Variants in NLGN1 observed in about 807,000 individuals in gnomAD.
NLGN1 encodes the protein neuroligin-1.
In NLGN1, 12 loss-of-function variants were observed where a neutral mutation model predicts 65.5. The observed-to-expected ratio is 0.18, with a 90% CI of 0.12 to 0.30. The LOEUF (loss-of-function observed/expected upper bound fraction) is 0.30. Among genes scored for constraint, NLGN1 ranks in the 10% least tolerant of loss-of-function variants. The probability of loss-of-function intolerance (pLI) is 1.00; values close to 1 mark genes in which losing one functional copy is unlikely to be tolerated. For synonymous variants in NLGN1, 350 were observed against 359.5 expected, an observed-to-expected ratio of 0.97 and a Z score of 0.30; for missense variants, 750 against 1,007.1, an observed-to-expected ratio of 0.74 and a Z score of 3.46.
intron 4 of NLGN1, among the ~76,000 whole-genome samples, chr3:173,899,082 G>A (rs1736858419): frequency 6.6e-6 from 1 of 152,060 alleles, no homozygotes; most frequent in Non-Finnish European, 1.5e-5. Flanking sequence ...GGATCTTTTA[G>A]AAAAATAATA....
intron 3 of NLGN1, among the ~76,000 whole-genome samples, chr3:173,723,583 C>T (rs1401570209): frequency 6.6e-6 from 1 of 152,112 alleles, no homozygotes; most frequent in East Asian, 1.9e-4. Context: ...CAAGTTTGTT[C>T]ATATACAAGC....
At chr3:174,073,799 A>C (rs1560978958) in intron 4 of NLGN1, among the ~76,000 whole-genome samples, 1 of 152,186 alleles carries the variant, frequency 6.6e-6, no homozygotes, top group African/African-American at 2.4e-5. Context: ...CATATCCATC[A>C]CTTATTTTCT....
intron 4 of NLGN1, among the ~76,000 whole-genome samples, chr3:173,850,972 T>A (rs1726818708): frequency 6.6e-6 from 1 of 152,060 alleles, no homozygotes; most frequent in Non-Finnish European, 1.5e-5. Context: ...CTCAAACCCC[T>A]GAGCTCAAGC....
At chr3:173,777,675 A>G (rs187348355) in intron 3 of NLGN1, among the ~76,000 whole-genome samples, 8 of 149,858 alleles carry the variant, frequency 5.3e-5, no homozygotes, top group South Asian at 2.1e-4. Context: ...CTATCTATCT[A>G]TCCATCCCAT....
chr3:174,241,023 TTAAG>T (rs1469229292), intron 4 of NLGN1, among the ~76,000 whole-genome samples: 26 of 152,304 alleles, frequency 1.7e-4, no homozygotes, highest in African/African-American at 6.0e-4. Flanking sequence ...TTCATAGTCA[TTAAG>T]TAAGTAGTCA....
At chr3:173,675,124 A>G (rs984553083) in intron 3 of NLGN1, among the ~76,000 whole-genome samples, 4 of 152,082 alleles carry the variant, frequency 2.6e-5, no homozygotes, top group African/African-American at 9.7e-5. Flanking sequence ...AAGAGCATGA[A>G]ATTTTGGACA....
chr3:173,634,789 C>T (rs1756314102), intron 3 of NLGN1, among the ~76,000 whole-genome samples: 1 of 151,960 alleles, frequency 6.6e-6, no homozygotes, highest in Non-Finnish European at 1.5e-5. Flanking sequence ...TAGTTTCTTC[C>T]CTGGGTGATC....
chr3:173,957,418 A>G (rs1010951543), intron 4 of NLGN1, among the ~76,000 whole-genome samples: 1 of 152,098 alleles, frequency 6.6e-6, no homozygotes, highest in Non-Finnish European at 1.5e-5. Flanking sequence ...TGCTCTGCCT[A>G]TTTTTCTCTC....
At chr3:174,162,320 C>T (rs930734153) in intron 4 of NLGN1, among the ~76,000 whole-genome samples, 4 of 151,822 alleles carry the variant, frequency 2.6e-5, no homozygotes, top group African/African-American at 9.7e-5. Context: ...ATGGTAACGT[C>T]ATTCTGTATT....
intron 4 of NLGN1, among the ~76,000 whole-genome samples, chr3:174,081,234 A>G (rs1742132834): frequency 6.6e-6 from 1 of 152,140 alleles, no homozygotes; most frequent in Admixed American, 6.5e-5. Flanking sequence ...ATATTTATTT[A>G]TGACTTGGTG....
chr3:174,093,799 C>T (rs1190139196), intron 4 of NLGN1, among the ~76,000 whole-genome samples: 1 of 152,190 alleles, frequency 6.6e-6, no homozygotes, highest in East Asian at 1.9e-4. Flanking sequence ...TAATCACTAT[C>T]TATTACAAAT....
In NLGN1 at chr3:174,032,837, A is replaced by G. The variant is rs75319986; in HGVS notation, c.646+225005A>G. Among the ~76,000 whole-genome samples the G allele has an allele frequency of 9.8e-3, 1,493 of 152,060 alleles. 10 individuals are homozygous for G. The highest frequency in any genetic ancestry group is 0.031 in the Middle Eastern group (9 of 294). ...CCAGTGGAGGAAGGGTATTATTTCT[A>G]CTCTGAGCCAGGCTAGCTTTCCCTA... On this transcript the variant is annotated intron_variant, in intron 4 of 6. Coordinates refer to ENST00000457714, the Ensembl canonical transcript of NLGN1.
chr3:174,294,233 T>G, the NLGN1 span, among the ~76,000 whole-genome samples: 1 of 151,808 alleles, frequency 6.6e-6, no homozygotes, highest in African/African-American at 2.4e-5. Flanking sequence ...ACATCTTTTC[T>G]TATGCTTATA....
chr3:173,998,180 G>A (rs1327538340), intron 4 of NLGN1, among the ~76,000 whole-genome samples: 1 of 152,162 alleles, frequency 6.6e-6, no homozygotes, highest in Admixed American at 6.6e-5. Flanking sequence ...GTCACAGGCA[G>A]CCTTTCCATC....
intron 3 of NLGN1, among the ~76,000 whole-genome samples, chr3:173,624,979 T>C (rs1754601865): frequency 1.3e-5 from 2 of 152,132 alleles, no homozygotes; most frequent in African/African-American, 4.8e-5. Context: ...TTCATCCATG[T>C]CAGTCTGGTC....
At chr3:173,619,811 C>G (rs73880524) in intron 3 of NLGN1, among the ~76,000 whole-genome samples, 2,848 of 152,072 alleles carry the variant, frequency 0.019, 95 homozygotes, top group African/African-American at 0.064. Flanking sequence ...AGAATGCTAC[C>G]CAAGGCAGGG....
chr3:173,457,666 G>A (rs1446830248), intron 2 of NLGN1, among the ~76,000 whole-genome samples: 1 of 152,122 alleles, frequency 6.6e-6, no homozygotes, highest in African/African-American at 2.4e-5. Context: ...CAGGAATGAT[G>A]TCACGGTAGT....
Position 173,775,623 on chromosome 3 carries a change from C to T in NLGN1, c.494-32057C>T, listed in dbSNP as rs531141285. 2.6e-5 allele frequency among the ~76,000 whole-genome samples: 4 copies of T among 152,194 alleles called. No homozygotes were observed. In the East Asian group the frequency reaches 7.7e-4, roughly 29 times the overall value. On this transcript the variant is annotated intron_variant, in intron 3 of 6. Coordinates refer to ENST00000457714, the Ensembl canonical transcript of NLGN1. ...CATTACTGATGCCACATTGGCTTTCCATTTTGCGATTATCATTTATTAGTT... is the reference window on the plus strand; with the variant it reads ...CATTACTGATGCCACATTGGCTTTCTATTTTGCGATTATCATTTATTAGTT...
chr3:173,586,039 T>C (rs751534431), intron 2 of NLGN1, among the ~76,000 whole-genome samples: 2 of 152,174 alleles, frequency 1.3e-5, no homozygotes, highest in African/African-American at 2.4e-5. Flanking sequence ...TTCAGAACAA[T>C]TGCATACAAA....
Sources: gnomAD v4.1 joint callset for allele counts (sites outside exome capture counted in the v4.1 genomes callset) on GRCh38, gnomAD v4.1.1 for gene constraint, MANE v1.5 for transcripts, NCBI Gene and HGNC (gene_info 2026-07-23, HGNC 2026-07-21) for gene names.